The following CLDN11 variants were observed in gnomAD, a reference collection of about 807,000 sequenced individuals.
The protein encoded by CLDN11 is claudin 11.
A neutral mutation model predicts 18.0 loss-of-function variants in CLDN11; 1 was observed. The ratio of observed to expected loss-of-function variants is 0.06; its 90% confidence interval spans 0.02 to 0.26. The LOEUF is 0.26. CLDN11 is among the 10% of genes least tolerant of loss of function. The pLI, the probability that CLDN11 is intolerant of heterozygous loss-of-function variation, is 1.00. For missense variants in CLDN11, 172 were observed against 276.6 expected (o/e 0.62, Z 2.68); for synonymous variants, 116 against 121.5 (o/e 0.96, Z 0.30).
chr3:170,426,026 C>A (rs1738844171), intron 2 of CLDN11, among the ~76,000 whole-genome samples: 10 of 152,084 alleles, frequency 6.6e-5, no homozygotes, highest in Admixed American at 6.5e-4. Flanking sequence ...TCTGTCACTC[C>A]CCCAGAGAAG....
chr3:170,429,354 T>A (rs1301201164), intron 2 of CLDN11, among the ~76,000 whole-genome samples: 1 of 152,198 alleles, frequency 6.6e-6, no homozygotes, highest in East Asian at 1.9e-4. Flanking sequence ...CTCATTTGCC[T>A]TGTTTTGTGT....
Position 170,419,305 on chromosome 3 carries a change from G to C in CLDN11, c.226+13G>C, listed in dbSNP as rs1005809286. The C allele has an allele frequency of 1.3e-6, 2 of 1,533,724 alleles. No homozygotes were observed. Among genetic ancestry groups the C allele is most frequent in the African/African-American group, 2.7e-5 (2 of 72,824 alleles). On this transcript the variant is annotated intron_variant, in intron 1 of 2. Coordinates refer to ENST00000064724, the MANE Select transcript of CLDN11 (RefSeq NM_005602.6). This position sits in a 1 kb window ranked among gnomAD's most constrained non-coding sequence, Gnocchi z 8.6. ...CTCATCCTGCCGGGTAAGGACCCGAGCTTGGCGGCGGCTCCCAAATCCTTA... is the reference window on the plus strand; with the variant it reads ...CTCATCCTGCCGGGTAAGGACCCGACCTTGGCGGCGGCTCCCAAATCCTTA...
intron 2 of CLDN11, among the ~76,000 whole-genome samples, chr3:170,427,606 A>G (rs1243256754): frequency 1.3e-5 from 2 of 150,416 alleles, no homozygotes; most frequent in East Asian, 3.9e-4. Flanking sequence ...GGGCAACGAG[A>G]GCAAAAATCC....
At chr3:170,427,358 A>G (rs1404456147) in intron 2 of CLDN11, among the ~76,000 whole-genome samples, 1 of 152,206 alleles carries the variant, frequency 6.6e-6, no homozygotes, top group African/African-American at 2.4e-5. Context: ...GTGGTGGCTC[A>G]CACCTGTAAT....
At chr3:170,428,101 T>A (rs1249083555) in intron 2 of CLDN11, among the ~76,000 whole-genome samples, 1 of 144,126 alleles carries the variant, frequency 6.9e-6, no homozygotes, top group East Asian at 2.1e-4. Flanking sequence ...GAGTCGAGAT[T>A]GCACCACTGC....
Position 170,425,781 on chromosome 3 carries a change from C to A in CLDN11, c.391+2454C>A, listed in dbSNP as rs553525418. Reference sequence around the variant, plus strand: ...TTGCATTTCCGATATTGTCTGCCTGCTTTGCTCCTATCCGGATTTGTTTCT... The same window carrying A: ...TTGCATTTCCGATATTGTCTGCCTGATTTGCTCCTATCCGGATTTGTTTCT... On this transcript the variant is annotated intron_variant, in intron 2 of 2. Coordinates refer to ENST00000064724, the MANE Select transcript of CLDN11 (RefSeq NM_005602.6). Among the ~76,000 whole-genome samples, 11 of 152,340 alleles carry A rather than the reference C, an allele frequency of 7.2e-5. No homozygotes were observed. In the South Asian group the frequency reaches 2.3e-3, roughly 32 times the overall value.
intron 2 of CLDN11, among the ~76,000 whole-genome samples, chr3:170,428,610 C>G (rs1342165239): frequency 6.6e-6 from 1 of 152,198 alleles, no homozygotes; most frequent in Non-Finnish European, 1.5e-5. Flanking sequence ...CCCTTTCTCT[C>G]CCTTCTCTTC....
At chr3:170,421,892 C>T (rs1337908927) in intron 1 of CLDN11, among the ~76,000 whole-genome samples, 1 of 152,174 alleles carries the variant, frequency 6.6e-6, no homozygotes, top group Non-Finnish European at 1.5e-5. Context: ...TAGTTTTGCT[C>T]TACTCTTCTA....
chr3:170,427,716 C>T (rs754092329), intron 2 of CLDN11, among the ~76,000 whole-genome samples: 7 of 148,028 alleles, frequency 4.7e-5, no homozygotes, highest in East Asian at 4.0e-4. Context: ...GGCTGAGGCA[C>T]GAGGATTGCT....
chr3:170,424,917 G>A (rs1328505738), intron 2 of CLDN11, among the ~76,000 whole-genome samples: 1 of 98,526 alleles, frequency 1.0e-5, no homozygotes, highest in Non-Finnish European at 2.5e-5. Flanking sequence ...AGCCACAAGG[G>A]TGTGTGTGTG....
intron 2 of CLDN11, among the ~76,000 whole-genome samples, chr3:170,432,255 TG>T (rs1739018528): frequency 1.3e-5 from 2 of 152,372 alleles, no homozygotes; most frequent in South Asian, 4.1e-4. Context: ...AAATATTTTT[TG>T]GACTTAAATG....
chr3:170,432,823 A>G lies in CLDN11; in HGVS notation c.*67A>G, dbSNP rs1324983629. 2.0e-6 allele frequency: 3 copies of G among 1,476,782 alleles called. No individual in the cohort carries two copies. Among genetic ancestry groups the G allele is most frequent in the African/African-American group, 2.8e-5 (2 of 71,988 alleles). The allele number at this position is 1,476,782 out of a possible 1,614,324, so 91.5% of individuals were successfully genotyped here. ...GCCCAGGGCCCTAGGTTTGCTCGTCACAGTGTGGGGAAGCCCATTCCTCTG... is the reference window on the plus strand; with the variant it reads ...GCCCAGGGCCCTAGGTTTGCTCGTCGCAGTGTGGGGAAGCCCATTCCTCTG... On this transcript the variant is annotated 3_prime_UTR_variant, in exon 3 of 3. Coordinates refer to ENST00000064724, the MANE Select transcript of CLDN11 (RefSeq NM_005602.6).
rs752843314 is a variant in CLDN11 at position 170,422,411 on chromosome 3, CTTTG to C, written c.227-744_227-741del. Among the ~76,000 whole-genome samples the C allele has an allele frequency of 4.5e-4, 69 of 152,072 alleles. 1 individual carries two copies. Among genetic ancestry groups the C allele is most frequent in the South Asian group, 8.3e-4 (4 of 4,814 alleles). ...AGGTACTATTATATTATTATCAATA[CTTTG>C]TTTGTTTATTTATTTATTTATTTTG... On this transcript the variant is annotated intron_variant, in intron 1 of 2. Coordinates refer to ENST00000064724, the MANE Select transcript of CLDN11 (RefSeq NM_005602.6).
In CLDN11 at chr3:170,419,973, T is replaced by A. The variant is rs1158652340; in HGVS notation, c.226+681T>A. Reference sequence around the variant, plus strand: ...GGCGCGTCAGACTGCGGGGCTGCGGTGACGCCGGCTCCCGCTCCGCGCCGC... The same window carrying A: ...GGCGCGTCAGACTGCGGGGCTGCGGAGACGCCGGCTCCCGCTCCGCGCCGC... On this transcript the variant is annotated intron_variant, in intron 1 of 2. Coordinates refer to ENST00000064724, the MANE Select transcript of CLDN11 (RefSeq NM_005602.6). This position sits in a 1 kb window ranked among gnomAD's most constrained non-coding sequence, Gnocchi z 8.6. 6.6e-6 allele frequency among the ~76,000 whole-genome samples: 1 copy of A among 152,208 alleles called. No homozygotes were observed. The highest frequency in any genetic ancestry group is 2.4e-5 in the African/African-American group (1 of 41,462).
rs1430501094 is a variant in CLDN11 at position 170,419,402 on chromosome 3, C to T, written c.226+110C>T. ...TTGGGGGCTTGAAGACCTTTGGGTA[C>T]GTTTTTGACATCCCTAGTCCCACCT... On this transcript the variant is annotated intron_variant, in intron 1 of 2. Coordinates refer to ENST00000064724, the MANE Select transcript of CLDN11 (RefSeq NM_005602.6). The surrounding 1 kb of genome is among the most constrained non-coding windows in gnomAD (Gnocchi z 8.6). The T allele has an allele frequency of 4.1e-6, 3 of 736,040 alleles. No homozygotes were observed. Among genetic ancestry groups the T allele is most frequent in the Admixed American group, 2.8e-5 (1 of 35,716 alleles). The allele number at this position is 736,040 out of a possible 1,614,324, so 45.6% of individuals were successfully genotyped here. A position where few individuals can be genotyped will look rare whatever the true frequency, so the allele number is the denominator to read the frequency against.
rs574653066 is a variant in CLDN11 at position 170,432,999 on chromosome 3, A to G, written c.*243A>G. The G allele has an allele frequency of 9.9e-5, 40 of 405,566 alleles. No homozygotes were observed. The highest frequency in any genetic ancestry group is 1.5e-4 in the Non-Finnish European group (33 of 226,732). The allele number at this position is 405,566 out of a possible 1,614,324, so 25.1% of individuals were successfully genotyped here. A position where few individuals can be genotyped will look rare whatever the true frequency, so the allele number is the denominator to read the frequency against. ...ATTTTTTTCCCTTGGTGTTGCCCCT[A>G]TTAGCTCTTTTCTTGGGCATTCTTT... On this transcript the variant is annotated 3_prime_UTR_variant, in exon 3 of 3. Coordinates refer to ENST00000064724, the MANE Select transcript of CLDN11 (RefSeq NM_005602.6).
intron 1 of CLDN11, among the ~76,000 whole-genome samples, chr3:170,422,365 A>T (rs62293499): frequency 3.3e-5 from 5 of 152,222 alleles, no homozygotes; most frequent in Admixed American, 1.3e-4. Context: ...AATCTTCAGT[A>T]GAATTCTATT....
intron 2 of CLDN11, among the ~76,000 whole-genome samples, chr3:170,424,231 G>C (rs1738791834): frequency 6.6e-6 from 1 of 152,084 alleles, no homozygotes; most frequent in Admixed American, 6.6e-5. Context: ...TTTGCTTTGA[G>C]TGTACTTGGA....
In CLDN11 at chr3:170,418,874, G is replaced by C; in HGVS notation, c.-193G>C. Reference sequence around the variant, plus strand: ...CGGGGGCGCGCTGCCCAGCAGCGCTGCTGTCCCCGCCGTGCGCCCTTCGCC... The same window carrying C: ...CGGGGGCGCGCTGCCCAGCAGCGCTCCTGTCCCCGCCGTGCGCCCTTCGCC... On this transcript the variant is annotated 5_prime_UTR_variant, in exon 1 of 3. Coordinates refer to ENST00000064724, the MANE Select transcript of CLDN11 (RefSeq NM_005602.6). This position sits in a 1 kb window ranked among gnomAD's most constrained non-coding sequence, Gnocchi z 4.3. The C allele has an allele frequency of 1.9e-6, 1 of 538,032 alleles. No homozygotes were observed. The highest frequency in any genetic ancestry group is 3.3e-6 in the Non-Finnish European group (1 of 304,086). The allele number at this position is 538,032 out of a possible 1,614,324, so 33.3% of individuals were successfully genotyped here. A position where few individuals can be genotyped will look rare whatever the true frequency, so the allele number is the denominator to read the frequency against.
Sources: allele counts gnomAD v4.1 joint callset (sites outside exome capture counted in the v4.1 genomes callset), GRCh38; gene constraint gnomAD v4.1.1; non-coding constraint Gnocchi (gnomAD v3.1); transcripts MANE v1.5; gene names NCBI Gene and HGNC (gene_info 2026-07-23, HGNC 2026-07-21).